Variants in PNISR observed in about 807,000 individuals in gnomAD.
PNISR encodes the protein PNN interacting serine and arginine rich protein.
A neutral mutation model predicts 93.4 loss-of-function variants in PNISR; 20 were observed. That is an observed-to-expected ratio of 0.21 (90% CI 0.15 to 0.31). PNISR has a LOEUF of 0.31. Among genes scored for constraint, PNISR ranks in the 10% least tolerant of loss-of-function variants. The pLI is 1.00. For missense variants in PNISR, 893 were observed against 985.4 expected (o/e 0.91, Z 1.25); for synonymous variants, 305 against 306.5 (o/e 0.99, Z 0.05).
At chr6:99,413,616 G>T (rs1159486561) in intron 3 of PNISR, among the ~76,000 whole-genome samples, 3 of 151,896 alleles carry the variant, frequency 2.0e-5, no homozygotes, top group African/African-American at 7.3e-5. Context: ...ATGAACCACC[G>T]CACCTGGCCT....
Position 99,413,818 on chromosome 6 carries a change from T to C in PNISR, c.88+754A>G, listed in dbSNP as rs139622552. On this transcript the variant is annotated intron_variant, in intron 3 of 11. Transcript: ENST00000369239. The stretch of plus-strand genomic sequence containing the variant: ...GTTTGAAACACTGGCATAACCCCTA[T>C]GGGGTTACACATGGCAATGTGCACC... 3.2e-3 allele frequency among the ~76,000 whole-genome samples: 491 copies of C among 152,304 alleles called. 2 individuals carry two copies. Among genetic ancestry groups the C allele is most frequent in the African/African-American group, 0.012 (478 of 41,560 alleles).
In PNISR at chr6:99,409,277, C is replaced by G. The variant is rs200967299; in HGVS notation, c.569G>C (p.Gly190Ala). ...HPPYWQPGPP[G>A]PPAPPQNRRE... is the part of the protein sequence containing the mutation. ...TCGATTCTGGGGAGGTGCTGGAGGT[C>G]CTGGAGGTCCTGGTTGCCAATAAGG... Residue 190 changes from glycine (G) to alanine (A), a missense_variant, in exon 6 of 12, where the codon GGA (glycine) becomes GCA (alanine). By Grantham distance (60) the Gly-to-Ala change is moderately conservative. Coordinates refer to ENST00000369239, the MANE Select transcript of PNISR (RefSeq NM_032870.4). The G allele has an allele frequency of 4.3e-6, 7 of 1,612,180 alleles. No homozygotes were observed. In the South Asian group the frequency reaches 6.6e-5, roughly 15 times the overall value.
rs1396725418 is a variant in PNISR, at chr6:99,400,638, T to TAAGA, written c.2319_2320insTCTT (p.Lys774SerfsTer2). On this transcript the variant is annotated frameshift_variant, in exon 12 of 12. Transcript: ENST00000369239. LOFTEE classifies it high-confidence loss of function. ...CGCGATCGACTATGTTTAGGCTTCT[T>TAAGA]AGCCTTCTTTTCTTTGCTACTTCCT... The TAAGA allele has an allele frequency of 6.2e-7, 1 of 1,614,064 alleles. No homozygotes were observed. The highest frequency in any genetic ancestry group is 1.7e-5 in the Admixed American group (1 of 60,014).
chr6:99,417,977 A>G (rs571369456), intron 1 of PNISR, among the ~76,000 whole-genome samples: 2 of 151,578 alleles, frequency 1.3e-5, no homozygotes, highest in South Asian at 4.2e-4. Context: ...TCAAAAAAAA[A>G]AAAAAAAAAA....
chr6:99,405,328 A>G (rs1358241608), intron 8 of PNISR, among the ~76,000 whole-genome samples: 1 of 151,950 alleles, frequency 6.6e-6, no homozygotes, highest in African/African-American at 2.4e-5. Context: ...TTAGCCAGGC[A>G]TGGTGGTGGG....
At position 99,406,148 on chromosome 6, in the gene PNISR, T is replaced by G. The variant is rs377519675; in HGVS notation, c.885A>C (p.Glu295Asp). 20 of 1,609,250 alleles carry G rather than the reference T, an allele frequency of 1.2e-5. No individual in the cohort carries two copies. Among genetic ancestry groups the G allele is most frequent in the Non-Finnish European group, 1.5e-5 (18 of 1,175,902 alleles). The change falls in exon 8 of 12, where the codon GAA becomes GAC. Residue 295 changes from glutamate (E) to aspartate (D), a missense_variant. Transcript: ENST00000369239. ...RSKFDSDEEE[E>D]DTENVEAASS... ...TTGCAGCCTCAACATTTTCAGTGTC[T>G]TCTTCTTCCTCATCACTATCCTATA...
intron 1 of PNISR, among the ~76,000 whole-genome samples, chr6:99,423,662 C>T (rs1367891517): frequency 6.6e-6 from 1 of 152,144 alleles, no homozygotes; most frequent in Non-Finnish European, 1.5e-5. Context: ...ATGAGAAAAT[C>T]GTCTGGCAAA....
rs1776130517 is a variant in PNISR, at chr6:99,406,108, T to C, written c.925A>G (p.Thr309Ala). 1.9e-6 allele frequency: 3 copies of C among 1,609,198 alleles called. No homozygotes were observed. The highest frequency in any genetic ancestry group is 1.1e-5 in the South Asian group (1 of 90,996). ...NVEAASSGKV[T>A]RSPSPVPQEE... ...TGAGGAACTGGGGATGGACTTCTGGTGACTTTCCCACTACTTGCAGCCTCA... is the reference window on the plus strand; with the variant it reads ...TGAGGAACTGGGGATGGACTTCTGGCGACTTTCCCACTACTTGCAGCCTCA... The change falls in exon 8 of 12, where the codon ACC becomes GCC. Residue 309 changes from threonine to alanine, a missense_variant. By Grantham distance (58) the Thr-to-Ala change is moderately conservative. Coordinates refer to ENST00000369239, the MANE Select transcript of PNISR (RefSeq NM_032870.4).
chr6:99,423,105 G>A (rs1156647357), intron 1 of PNISR, among the ~76,000 whole-genome samples: 1 of 151,626 alleles, frequency 6.6e-6, no homozygotes, highest in Non-Finnish European at 1.5e-5. Flanking sequence ...TATAAAAGAT[G>A]AGTCTGGGGC....
rs1232987672 is a variant in PNISR at position 99,419,184 on chromosome 6, AAAAAAAG to A, written c.-111-2763_-111-2757del. The stretch of plus-strand genomic sequence containing the variant: ...AAAAAAAAAAAAAAAAAAAAAAAAA[AAAAAAAG>A]GGCAATTTACCATTATGGCATCTTA... On this transcript the variant is annotated intron_variant, in intron 1 of 11. Coordinates refer to ENST00000369239, the MANE Select transcript of PNISR (RefSeq NM_032870.4). 4.5e-4 allele frequency among the ~76,000 whole-genome samples: 24 copies of A among 53,300 alleles called. 6 individuals are homozygous for A. Among genetic ancestry groups the A allele is most frequent in the South Asian group, 2.0e-3 (2 of 1,000 alleles). The allele number at this position is 53,300 out of a possible 152,430, so 35.0% of individuals were successfully genotyped here. A position where few individuals can be genotyped will look rare whatever the true frequency, so the allele number is the denominator to read the frequency against.
chr6:99,400,470 G>A lies in PNISR; in HGVS notation c.*70C>T, dbSNP rs1350880416. 2 of 1,527,428 alleles carry A rather than the reference G, an allele frequency of 1.3e-6. No individual in the cohort carries two copies. Among genetic ancestry groups the A allele is most frequent in the Non-Finnish European group, 1.8e-6 (2 of 1,141,450 alleles). The allele number at this position is 1,527,428 out of a possible 1,614,324, so 94.6% of individuals were successfully genotyped here. A position where few individuals can be genotyped will look rare whatever the true frequency, so the allele number is the denominator to read the frequency against. On this transcript the variant is annotated 3_prime_UTR_variant, in exon 12 of 12. Coordinates refer to ENST00000369239, the MANE Select transcript of PNISR (RefSeq NM_032870.4). ...GAGTTTATTAAAGAGAGAGAGAAAG[G>A]ACACTTTCAACTTTGAATAAATTCA...
In PNISR at chr6:99,401,065, G is replaced by A. The variant is rs1214200494; in HGVS notation, c.1893C>T (p.Ala631=). ...GCCTATCTCGACTCCTACTGCGACT[G>A]GCACGATTGGTTCGTCTATCCCTTG... is the stretch of plus-strand genomic sequence containing the variant. ...SRSRDRRTNR[A]SRSRSRDRRK... Residue 631 remains alanine (A), a synonymous_variant, in exon 12 of 12, where the codon GCC becomes GCT. Coordinates refer to ENST00000369239, the MANE Select transcript of PNISR (RefSeq NM_032870.4). 2.5e-6 allele frequency: 4 copies of A among 1,613,356 alleles called. No homozygotes were observed. Among genetic ancestry groups the A allele is most frequent in the Non-Finnish European group, 3.4e-6 (4 of 1,179,936 alleles).
intron 1 of PNISR, among the ~76,000 whole-genome samples, chr6:99,422,987 T>C (rs978079958): frequency 6.6e-6 from 1 of 150,820 alleles, no homozygotes; most frequent in Non-Finnish European, 1.5e-5. Context: ...GACACCCTAG[T>C]AGCAACAAGC....
chr6:99,407,954 T>TA, intron 7 of PNISR, 127 bp downstream of exon 7: 1 of 658,074 alleles, frequency 1.5e-6, no homozygotes, highest in Non-Finnish European at 2.6e-6. Context: ...ATCCTCAATA[T>TA]ACTTAATGAA....
In PNISR at chr6:99,398,107, C is replaced by T. The variant is rs1022985079; in HGVS notation, c.*2433G>A. 6.6e-6 allele frequency: 1 copy of T among 152,114 alleles called. No homozygotes were observed. Among genetic ancestry groups the T allele is most frequent in the African/African-American group, 2.4e-5 (1 of 41,430 alleles). 9.4% of individuals were successfully genotyped at this position (152,114 alleles called of 1,614,324 possible). ...GGGCCTGAAACAAATCTTATAATCA[C>T]CTCTTTCAAATTACATTTTATTCCC... On this transcript the variant is annotated 3_prime_UTR_variant, in exon 12 of 12. Coordinates refer to ENST00000369239, the MANE Select transcript of PNISR (RefSeq NM_032870.4).
intron 8 of PNISR, 128 bp downstream of exon 8, chr6:99,405,903 A>T: frequency 1.8e-6 from 1 of 550,670 alleles, no homozygotes; most frequent in East Asian, 3.1e-5. Flanking sequence ...TTAAGTTAAA[A>T]GGAGTATCTC....
At chr6:99,402,781 A>G in intron 10 of PNISR, 71 bp from the exon 11 acceptor site, 1 of 1,146,994 alleles carries the variant, frequency 8.7e-7, no homozygotes. Context: ...TCAAGGTCTG[A>G]GAAGAAAGTT....
chr6:99,409,483 T>A (rs571875804), intron 5 of PNISR, 139 bp from the exon 6 acceptor site: 1 of 677,790 alleles, frequency 1.5e-6, no homozygotes, highest in Admixed American at 3.2e-5. Flanking sequence ...TATCCACCGA[T>A]ACTTCTATGG....
In PNISR at chr6:99,401,976, T is replaced by C. The variant is rs112615116; in HGVS notation, c.1328-346A>G. ...CTCTATAGCTTGTAGTTAGTTACGT[T>C]ACCCTCCTGGACAGTGTAGCAAAAT... On this transcript the variant is annotated intron_variant, in intron 11 of 11. Transcript: ENST00000369239. Among the ~76,000 whole-genome samples the C allele has an allele frequency of 2.6e-3, 400 of 152,342 alleles. 4 individuals carry two copies. Among genetic ancestry groups the C allele is most frequent in the Non-Finnish European group, 4.0e-3 (270 of 68,020 alleles).
Sources: gnomAD v4.1 joint callset for allele counts (sites outside exome capture counted in the v4.1 genomes callset) on GRCh38, gnomAD v4.1.1 for gene constraint, MANE v1.5 for transcripts, NCBI Gene and HGNC (gene_info 2026-07-23, HGNC 2026-07-21) for gene names.